Variants in ABI3BP observed in about 807,000 individuals in gnomAD.
ABI3BP encodes ABI family member 3 binding protein, also known as target of Nesh-SH3.
A neutral mutation model predicts 268.6 loss-of-function variants in ABI3BP; 216 were observed. The observed-to-expected ratio is 0.80, with a 90% CI of 0.72 to 0.90. The LOEUF (loss-of-function observed/expected upper bound fraction) is 0.90. Ranked by LOEUF, ABI3BP falls within the 40% of genes least tolerant of loss-of-function variation. The probability of loss-of-function intolerance (pLI) is 0.00; values close to 1 mark genes in which losing one functional copy is unlikely to be tolerated. For missense variants in ABI3BP, 2,090 were observed against 2,182.4 expected, an observed-to-expected ratio of 0.96 and a Z score of 0.84; for synonymous variants, 730 against 730.0, an observed-to-expected ratio of 1.00 and a Z score of 0.00.
In ABI3BP at chr3:100,937,721, C is replaced by G. The variant is rs1386953072; in HGVS notation, c.80-11240G>C. 2.0e-5 allele frequency among the ~76,000 whole-genome samples: 3 copies of G among 152,022 alleles called. 1 individual carries two copies. The highest frequency in any genetic ancestry group is 2.0e-4 in the Admixed American group (3 of 15,220). On this transcript the variant is annotated intron_variant, in intron 1 of 67. Transcript: ENST00000471714. ...CAAGTCCTTTTCAGGAATTATTATG[C>G]TCTAAGAACGGACAATGCTAAGTTT...
Position 100,830,773 on chromosome 3 carries a change from T to C in ABI3BP, c.2402-139A>G, listed in dbSNP as rs202189584. 7 of 658,918 alleles carry C rather than the reference T, an allele frequency of 1.1e-5. No homozygotes were observed. In the African/African-American group the frequency reaches 1.3e-4, roughly 12 times the overall value. The allele number at this position is 658,918 out of a possible 1,614,324, so 40.8% of individuals were successfully genotyped here. On this transcript the variant is annotated intron_variant, in intron 31 of 67. Coordinates refer to ENST00000471714, the MANE Select transcript of ABI3BP (RefSeq NM_001375547.2). ...ATCATAACTCAAAAGAAAGTGGCTG[T>C]ATTTTTTTCCTTTGAATATTTCTCC... is the stretch of plus-strand genomic sequence containing the variant.
At chr3:100,778,401 A>G in intron 58 of ABI3BP, 25 bp from the exon 59 acceptor site, 3 of 1,581,756 alleles carry the variant, frequency 1.9e-6, no homozygotes, top group Non-Finnish European at 2.6e-6. Context: ...AAGAGATTGT[A>G]TTTTAGATAA....
At chr3:100,842,254 C>A (rs1364169949) in intron 20 of ABI3BP, among the ~76,000 whole-genome samples, 1 of 152,016 alleles carries the variant, frequency 6.6e-6, no homozygotes, top group Admixed American at 6.6e-5. Context: ...GTTACCGTCA[C>A]TTCCCAATAT....
At chr3:100,877,733 T>G (rs1029078128) in intron 6 of ABI3BP, among the ~76,000 whole-genome samples, 2 of 152,188 alleles carry the variant, frequency 1.3e-5, no homozygotes, top group Admixed American at 6.5e-5. Flanking sequence ...GATACTTGGT[T>G]TAGCCTGTAT....
At chr3:100,896,116 A>G (rs1266573789) in intron 4 of ABI3BP, among the ~76,000 whole-genome samples, 2 of 152,176 alleles carry the variant, frequency 1.3e-5, no homozygotes, top group African/African-American at 2.4e-5. Flanking sequence ...TCATTATTGT[A>G]TCTTTCAAAA....
At chr3:100,936,041 C>T (rs1413388799) in intron 1 of ABI3BP, among the ~76,000 whole-genome samples, 4 of 152,264 alleles carry the variant, frequency 2.6e-5, no homozygotes, top group African/African-American at 9.6e-5. Context: ...GAGAGGGCAT[C>T]CTTGTCTTGT....
At chr3:100,785,204 T>C (rs2150460567) in intron 57 of ABI3BP, among the ~76,000 whole-genome samples, 1 of 152,250 alleles carries the variant, frequency 6.6e-6, no homozygotes, top group South Asian at 2.1e-4. Flanking sequence ...ATAATAAAGA[T>C]AAATATTCTG....
chr3:100,750,440 A>T lies in ABI3BP; in HGVS notation c.*55T>A. The T allele has an allele frequency of 4.4e-6, 6 of 1,377,288 alleles. No individual in the cohort carries two copies. Among genetic ancestry groups the T allele is most frequent in the Non-Finnish European group, 6.2e-6 (6 of 971,774 alleles). 85.3% of individuals were successfully genotyped at this position (1,377,288 alleles called of 1,614,324 possible). A position where few individuals can be genotyped will look rare whatever the true frequency, so the allele number is the denominator to read the frequency against. On this transcript the variant is annotated 3_prime_UTR_variant, in exon 68 of 68. Coordinates refer to ENST00000471714, the MANE Select transcript of ABI3BP (RefSeq NM_001375547.2). ...TAGCTTTAAATGAATGCGGCATAGT[A>T]TTTTCAATGATTTTTGTTTGCAATG...
At chr3:100,894,956 A>AAAAAAACAAAAACAAAC (rs1561384785) in intron 4 of ABI3BP, among the ~76,000 whole-genome samples, 1 of 131,440 alleles carries the variant, frequency 7.6e-6, no homozygotes, top group Non-Finnish European at 1.7e-5. Flanking sequence ...AAAAAAAAAA[A>AAAAAAACAAAAACAAAC]AAAAAAAAAA....
intron 41 of ABI3BP, among the ~76,000 whole-genome samples, chr3:100,817,914 C>G (rs2098106924): frequency 6.6e-6 from 1 of 152,120 alleles, no homozygotes; most frequent in Non-Finnish European, 1.5e-5. Flanking sequence ...TGTATGAAAG[C>G]ATAAAGAACA....
At chr3:100,751,275 A>G (rs750014380) in intron 67 of ABI3BP, among the ~76,000 whole-genome samples, 1 of 152,206 alleles carries the variant, frequency 6.6e-6, no homozygotes, top group Non-Finnish European at 1.5e-5. Context: ...CATAACATTA[A>G]TAAATGAGTG....
chr3:100,801,451 G>C (rs866118223), intron 51 of ABI3BP, among the ~76,000 whole-genome samples: 2 of 139,534 alleles, frequency 1.4e-5, no homozygotes, highest in East Asian at 4.1e-4. Flanking sequence ...GAAAAGAAAA[G>C]AAAAGAAAAA....
At chr3:100,975,592 G>C (rs1472097464) in intron 1 of ABI3BP, among the ~76,000 whole-genome samples, 2 of 152,028 alleles carry the variant, frequency 1.3e-5, no homozygotes, top group Admixed American at 1.3e-4. Context: ...AGCTTCAAAA[G>C]CCTGAATGTT....
chr3:100,922,553 T>TGGC (rs1561687065), intron 2 of ABI3BP, among the ~76,000 whole-genome samples: 61 of 146,182 alleles, frequency 4.2e-4, no homozygotes, highest in East Asian at 2.6e-3. Flanking sequence ...ATGGTGATGG[T>TGGC]GATGGCGATG....
At chr3:100,817,811 C>T (rs151129946) in intron 41 of ABI3BP, among the ~76,000 whole-genome samples, 325 of 152,206 alleles carry the variant, frequency 2.1e-3, no homozygotes, top group African/African-American at 7.2e-3. Flanking sequence ...TTGAAAAAGG[C>T]GTTTATCAGT....
At chr3:100,832,514 T>C (rs572387265) in intron 30 of ABI3BP, among the ~76,000 whole-genome samples, 164 bp from the exon 31 acceptor site, 1 of 152,302 alleles carries the variant, frequency 6.6e-6, no homozygotes, top group Admixed American at 6.5e-5. Flanking sequence ...AGGTTTTCTT[T>C]GATAACTGAA....
chr3:100,925,434 A>G (rs1252470959), intron 2 of ABI3BP, among the ~76,000 whole-genome samples: 7 of 38,166 alleles, frequency 1.8e-4, no homozygotes, highest in South Asian at 1.9e-3. Context: ...TATTTATTTG[A>G]CAGAGTCTCA....
In ABI3BP at chr3:100,751,654, C is replaced by T; in HGVS notation, c.5143G>A (p.Asp1715Asn). Residue 1715 changes from aspartate (D) to asparagine (N), a missense_variant, in exon 67 of 68, where the codon GAT (aspartate) becomes AAT (asparagine). By Grantham distance (23) the Asp-to-Asn change is conservative (BLOSUM62 1). Transcript: ENST00000471714. The stretch of plus-strand genomic sequence containing the variant: ...TGATCTTCTCCATGGCCCCTCTGAT[C>T]ACCTATGTTATAAAATTTTCCTGAA... ...SLTGKFYNIG[D>N]QRGHGEDHCQ... is the part of the protein sequence containing the mutation. The T allele has an allele frequency of 6.2e-7, 1 of 1,602,394 alleles. No homozygotes were observed. The highest frequency in any genetic ancestry group is 8.5e-7 in the Non-Finnish European group (1 of 1,174,040).
intron 63 of ABI3BP, among the ~76,000 whole-genome samples, chr3:100,759,261 A>C (rs2095812576): frequency 1.3e-5 from 2 of 152,176 alleles, no homozygotes; most frequent in Non-Finnish European, 1.5e-5. Flanking sequence ...AGATAAATGG[A>C]CAAGTAGAAT....
Sources: allele counts gnomAD v4.1 joint callset (sites outside exome capture counted in the v4.1 genomes callset), GRCh38; gene constraint gnomAD v4.1.1; transcripts MANE v1.5; gene names NCBI Gene and HGNC (gene_info 2026-07-23, HGNC 2026-07-21).